The following UBE2QL1 variants were observed in gnomAD, a reference collection of about 807,000 sequenced individuals.
UBE2QL1 encodes the protein ubiquitin conjugating enzyme E2 QL1.
Under a neutral mutation model 12.6 loss-of-function variants are expected in UBE2QL1, and 5 were observed. That is an observed-to-expected ratio of 0.40 (90% CI 0.21 to 0.83). UBE2QL1 has a LOEUF of 0.83. Ranked by LOEUF, UBE2QL1 falls within the 40% of genes least tolerant of loss-of-function variation. The pLI, the probability that UBE2QL1 is intolerant of heterozygous loss-of-function variation, is 0.37. For missense variants in UBE2QL1, 99 were observed against 222.6 expected (o/e 0.44, Z 3.53); for synonymous variants, 96 against 94.5 (o/e 1.02, Z -0.10).
At position 6,493,107 on chromosome 5, in the gene UBE2QL1, T is replaced by C. The variant is rs1452992425; in HGVS notation, c.*1758T>C. The C allele has an allele frequency of 6.6e-6, 1 of 152,374 alleles. No homozygotes were observed. Among genetic ancestry groups the C allele is most frequent in the East Asian group, 1.9e-4 (1 of 5,192 alleles). 9.4% of individuals were successfully genotyped at this position (152,374 alleles called of 1,614,324 possible). A position where few individuals can be genotyped will look rare whatever the true frequency, so the allele number is the denominator to read the frequency against. On this transcript the variant is annotated 3_prime_UTR_variant, in exon 2 of 2. Coordinates refer to ENST00000399816, the MANE Select transcript of UBE2QL1 (RefSeq NM_001145161.3). ...GACCAAAATGACAGTGTATTAAGAATGCAGGGCCTGCTCAGCTTCCCTGTG... is the reference window on the plus strand; with the variant it reads ...GACCAAAATGACAGTGTATTAAGAACGCAGGGCCTGCTCAGCTTCCCTGTG...
intron 1 of UBE2QL1, among the ~76,000 whole-genome samples, chr5:6,490,087 G>A (rs1333189657): frequency 6.6e-6 from 1 of 152,222 alleles, no homozygotes; most frequent in Non-Finnish European, 1.5e-5. Flanking sequence ...TACATGGGAT[G>A]CCCAAGGAGA....
chr5:6,485,602 T>C (rs1734451477), intron 1 of UBE2QL1, among the ~76,000 whole-genome samples: 1 of 152,206 alleles, frequency 6.6e-6, no homozygotes, highest in African/African-American at 2.4e-5. Flanking sequence ...TACGAGTGCT[T>C]TTAGACTGAC....
chr5:6,472,492 G>A (rs1021898782), intron 1 of UBE2QL1, among the ~76,000 whole-genome samples: 11 of 152,094 alleles, frequency 7.2e-5, no homozygotes, highest in African/African-American at 2.7e-4. Flanking sequence ...GGACCCTAGA[G>A]GCATCTAACT....
intron 1 of UBE2QL1, among the ~76,000 whole-genome samples, chr5:6,471,528 G>A (rs746812944): frequency 2.6e-5 from 4 of 152,240 alleles, no homozygotes; most frequent in African/African-American, 4.8e-5. Flanking sequence ...GCAGCTCACA[G>A]CATGGCAGCT....
At chr5:6,459,051 C>T (rs1454824690) in intron 1 of UBE2QL1, among the ~76,000 whole-genome samples, 1 of 152,088 alleles carries the variant, frequency 6.6e-6, no homozygotes, top group African/African-American at 2.4e-5. Flanking sequence ...TAGGATCCTC[C>T]AGGGGAAGTG....
At chr5:6,489,717 G>A (rs1410719629) in intron 1 of UBE2QL1, among the ~76,000 whole-genome samples, 1 of 152,252 alleles carries the variant, frequency 6.6e-6, no homozygotes, top group Non-Finnish European at 1.5e-5. Context: ...CATTGCAGCT[G>A]CCTTCCCACT....
intron 1 of UBE2QL1, among the ~76,000 whole-genome samples, chr5:6,477,577 A>G (rs1734262766): frequency 6.6e-6 from 1 of 152,252 alleles, no homozygotes; most frequent in Admixed American, 6.5e-5. Flanking sequence ...AAAGAGGTTA[A>G]AAGAGAGACC....
Position 6,476,446 on chromosome 5 carries a change from C to T in UBE2QL1, c.355-14772C>T, listed in dbSNP as rs1006769993. On this transcript the variant is annotated intron_variant, in intron 1 of 1. Coordinates refer to ENST00000399816, the MANE Select transcript of UBE2QL1 (RefSeq NM_001145161.3). This position sits in a 1 kb window ranked among gnomAD's most constrained non-coding sequence, Gnocchi z 4.9. ...TGTTTGGAGTTTGCCCTCTGGGTCACGGGGCTGCTGGGTCAGGGTTGCTGC... is the reference window on the plus strand; with the variant it reads ...TGTTTGGAGTTTGCCCTCTGGGTCATGGGGCTGCTGGGTCAGGGTTGCTGC... 6.6e-5 allele frequency among the ~76,000 whole-genome samples: 10 copies of T among 152,122 alleles called. No individual in the cohort carries two copies. Among genetic ancestry groups the T allele is most frequent in the Non-Finnish European group, 1.0e-4 (7 of 68,022 alleles).
intron 1 of UBE2QL1, among the ~76,000 whole-genome samples, chr5:6,457,061 C>G (rs536703993): frequency 1.1e-3 from 162 of 151,954 alleles, no homozygotes; most frequent in African/African-American, 3.8e-3. Context: ...TCCATCCTCC[C>G]TGATGCCACC....
chr5:6,485,248 A>T (rs1462671831), intron 1 of UBE2QL1, among the ~76,000 whole-genome samples: 1 of 152,138 alleles, frequency 6.6e-6, no homozygotes, highest in Non-Finnish European at 1.5e-5. Context: ...ATCCGACTAG[A>T]TCCAGCTGAA....
rs1278638391 is a variant in UBE2QL1, at chr5:6,491,204, C to G, written c.355-14C>G. ...GTGACGTTCTAACCTGGTTTTTCTT[C>G]TCATCTCACGCAGGGACGGATCTGT... On this transcript the variant is annotated splice_polypyrimidine_tract_variant and intron_variant, in intron 1 of 1. Coordinates refer to ENST00000399816, the MANE Select transcript of UBE2QL1 (RefSeq NM_001145161.3). 6.6e-7 allele frequency: 1 copy of G among 1,523,924 alleles called. No homozygotes were observed. Among genetic ancestry groups the G allele is most frequent in the East Asian group, 2.5e-5 (1 of 40,714 alleles). 94.4% of individuals were successfully genotyped at this position (1,523,924 alleles called of 1,614,324 possible).
At chr5:6,477,991 A>G (rs1734275451) in intron 1 of UBE2QL1, among the ~76,000 whole-genome samples, 1 of 152,188 alleles carries the variant, frequency 6.6e-6, no homozygotes, top group Non-Finnish European at 1.5e-5. Context: ...CTCTAGGGGC[A>G]TAAATTAAAT....
intron 1 of UBE2QL1, among the ~76,000 whole-genome samples, chr5:6,460,530 C>G (rs757874290): frequency 6.6e-6 from 1 of 152,094 alleles, no homozygotes; most frequent in African/African-American, 2.4e-5. Context: ...CCTTTTTGCC[C>G]TCATAAATCT....
chr5:6,470,023 C>G (rs1029985683), intron 1 of UBE2QL1, among the ~76,000 whole-genome samples: 1 of 152,212 alleles, frequency 6.6e-6, no homozygotes, highest in Non-Finnish European at 1.5e-5. Context: ...AACAGCGATG[C>G]CGGGGCCGCA....
rs1363167494 is a variant in UBE2QL1 at position 6,494,724 on chromosome 5, G to A, written c.*3375G>A. The A allele has an allele frequency of 6.6e-6, 1 of 152,174 alleles. No homozygotes were observed. Among genetic ancestry groups the A allele is most frequent in the African/African-American group, 2.4e-5 (1 of 41,434 alleles). The allele number at this position is 152,174 out of a possible 1,614,324, so 9.4% of individuals were successfully genotyped here. On this transcript the variant is annotated 3_prime_UTR_variant, in exon 2 of 2. Coordinates refer to ENST00000399816, the MANE Select transcript of UBE2QL1 (RefSeq NM_001145161.3). ...CGACTCAGAATGATCAATTACAGTG[G>A]TTAAAATACACATACCTGGTAATCA... is the stretch of plus-strand genomic sequence containing the variant.
chr5:6,470,512 ATGCACACACACGTG>A (rs565179890), intron 1 of UBE2QL1, among the ~76,000 whole-genome samples: 265 of 152,344 alleles, frequency 1.7e-3, no homozygotes, highest in African/African-American at 6.1e-3. Flanking sequence ...ACACACACAC[ATGCACACACACGTG>A]TGCACACACA....
Position 6,478,979 on chromosome 5 carries a change from A to C in UBE2QL1, c.355-12239A>C, listed in dbSNP as rs1235998243. Among the ~76,000 whole-genome samples the C allele has an allele frequency of 1.3e-5, 2 of 151,992 alleles. No homozygotes were observed. Among genetic ancestry groups the C allele is most frequent in the Non-Finnish European group, 2.9e-5 (2 of 67,986 alleles). Reference sequence around the variant, plus strand: ...GGCTTCATCCTTCCTAGGAGTGAGGAAGGCCAGGCCTCATGACAGAGCTGC... The same window carrying C: ...GGCTTCATCCTTCCTAGGAGTGAGGCAGGCCAGGCCTCATGACAGAGCTGC... On this transcript the variant is annotated intron_variant, in intron 1 of 1. Coordinates refer to ENST00000399816, the MANE Select transcript of UBE2QL1 (RefSeq NM_001145161.3). The surrounding 1 kb of genome is among the most constrained non-coding windows in gnomAD (Gnocchi z 4.5).
At chr5:6,486,640 T>G (rs1008693314) in intron 1 of UBE2QL1, among the ~76,000 whole-genome samples, 1 of 152,208 alleles carries the variant, frequency 6.6e-6, no homozygotes, top group Non-Finnish European at 1.5e-5. Flanking sequence ...CTTAGAAAGC[T>G]CTGAAGTCCC....
chr5:6,452,724 C>A lies in UBE2QL1; in HGVS notation c.354+3477C>A, dbSNP rs1352523559. Among the ~76,000 whole-genome samples the A allele has an allele frequency of 2.6e-5, 4 of 152,176 alleles. No homozygotes were observed. The East Asian group carries it at 7.7e-4, about 29-fold the overall frequency. ...AAACTGCATTTTCGGACTCTGTAAA[C>A]CTAGACAAAGTAGCATCAGCATTGG... On this transcript the variant is annotated intron_variant, in intron 1 of 1. Coordinates refer to ENST00000399816, the MANE Select transcript of UBE2QL1 (RefSeq NM_001145161.3).
Sources: gnomAD v4.1 joint callset for allele counts (sites outside exome capture counted in the v4.1 genomes callset) on GRCh38, gnomAD v4.1.1 for gene constraint, Gnocchi (gnomAD v3.1) non-coding constraint, MANE v1.5 for transcripts, NCBI Gene and HGNC (gene_info 2026-07-23, HGNC 2026-07-21) for gene names.